The following NKAIN3 variants were observed in gnomAD, a reference collection of about 807,000 sequenced individuals.
The protein encoded by NKAIN3 is sodium/potassium-transporting ATPase subunit beta-1-interacting protein 3.
Under a neutral mutation model 30.2 loss-of-function variants are expected in NKAIN3, and 25 were observed. The ratio of observed to expected loss-of-function variants is 0.83; its 90% CI spans 0.60 to 1.16. NKAIN3 has a LOEUF of 1.16. Among genes scored for constraint, NKAIN3 ranks in the 50% most tolerant of loss-of-function variants. The probability of loss-of-function intolerance (pLI) is 0.00; values close to 1 mark genes in which losing one functional copy is unlikely to be tolerated. For synonymous variants in NKAIN3, 91 were observed against 89.6 expected (o/e 1.02, Z -0.09); for missense variants, 225 against 254.1 (o/e 0.89, Z 0.78).
chr8:62,736,535 G>C (rs541648103), intron 3 of NKAIN3, among the ~76,000 whole-genome samples: 1 of 152,204 alleles, frequency 6.6e-6, no homozygotes, highest in African/African-American at 2.4e-5. Context: ...CCATGTCACC[G>C]TGCCCACGCA....
At chr8:62,580,725 G>C (rs1282450254) in intron 2 of NKAIN3, among the ~76,000 whole-genome samples, 1 of 151,868 alleles carries the variant, frequency 6.6e-6, no homozygotes, top group Non-Finnish European at 1.5e-5. Context: ...CATTCCAATG[G>C]CCTTGGGAGC....
At chr8:62,340,996 T>C (rs1815726227) in intron 1 of NKAIN3, among the ~76,000 whole-genome samples, 1 of 152,100 alleles carries the variant, frequency 6.6e-6, no homozygotes, top group African/African-American at 2.4e-5. Flanking sequence ...CCCATTAAAG[T>C]ACTTACATTT....
At chr8:62,473,096 A>T (rs1053237517) in intron 1 of NKAIN3, 4 of 152,318 alleles carry the variant, frequency 2.6e-5, no homozygotes, top group Non-Finnish European at 5.9e-5. Context: ...CTGCTGTTTA[A>T]TTCTCCTTTT....
intron 1 of NKAIN3, among the ~76,000 whole-genome samples, chr8:62,259,904 T>G (rs565630829): frequency 1.4e-4 from 21 of 152,094 alleles, no homozygotes; most frequent in Non-Finnish European, 2.5e-4. Context: ...CGGCAGGAGT[T>G]GGAGTACTGA....
chr8:62,888,806 T>C (rs1350055), intron 4 of NKAIN3, among the ~76,000 whole-genome samples: 46,345 of 152,112 alleles, frequency 0.3, 7,816 homozygotes, highest in East Asian at 0.64. Context: ...GAACAATTTT[T>C]AGTTGTCTTG....
At chr8:62,807,427 CATT>C (rs1313093004) in intron 4 of NKAIN3, among the ~76,000 whole-genome samples, 4 of 152,042 alleles carry the variant, frequency 2.6e-5, no homozygotes, top group Non-Finnish European at 5.9e-5. Flanking sequence ...ATTTTTCACT[CATT>C]ATCAGTTTTC....
At chr8:62,806,805 A>G (rs977603681) in intron 4 of NKAIN3, among the ~76,000 whole-genome samples, 3 of 151,580 alleles carry the variant, frequency 2.0e-5, no homozygotes, top group Non-Finnish European at 2.9e-5. Flanking sequence ...AAAGTATAAT[A>G]ATAATAAAAA....
chr8:62,793,587 G>A (rs775934773), intron 4 of NKAIN3, among the ~76,000 whole-genome samples: 1 of 152,102 alleles, frequency 6.6e-6, no homozygotes. Flanking sequence ...TCCATTACCT[G>A]TGACTGTGGG....
At chr8:62,296,041 A>G (rs538948050) in intron 1 of NKAIN3, among the ~76,000 whole-genome samples, 1 of 152,338 alleles carries the variant, frequency 6.6e-6, no homozygotes, top group East Asian at 1.9e-4. Context: ...GTTATTTCAA[A>G]AATCACTGCT....
intron 1 of NKAIN3, among the ~76,000 whole-genome samples, chr8:62,494,628 C>T (rs1322021059): frequency 6.6e-6 from 1 of 152,024 alleles, no homozygotes; most frequent in Non-Finnish European, 1.5e-5. Context: ...TAGAACTTGG[C>T]TGTGAGTTTC....
At chr8:62,890,175 C>T (rs767034774) in intron 4 of NKAIN3, among the ~76,000 whole-genome samples, 3 of 152,128 alleles carry the variant, frequency 2.0e-5, no homozygotes, top group African/African-American at 7.2e-5. Context: ...TGATAAGCTC[C>T]CTTGGAAGGA....
chr8:62,606,172 C>T (rs1164928062), intron 3 of NKAIN3, among the ~76,000 whole-genome samples: 2 of 152,046 alleles, frequency 1.3e-5, no homozygotes, highest in Non-Finnish European at 2.9e-5. Context: ...AAAGAGAGAA[C>T]CTCCAAGGAT....
Position 62,725,564 on chromosome 8 carries a change from G to A in NKAIN3, c.274-21368G>A, listed in dbSNP as rs191282150. ...TGATTTTTGTATATGCAGACAGATA[G>A]GAGAGTTTCATTCTGCTTTCCCAAC... On this transcript the variant is annotated intron_variant, in intron 3 of 6. Transcript: ENST00000623646. Among the ~76,000 whole-genome samples, 560 of 152,174 alleles carry A rather than the reference G, an allele frequency of 3.7e-3. 11 individuals are homozygous for A. The highest frequency in any genetic ancestry group is 0.034 in the Admixed American group (521 of 15,292).
intron 6 of NKAIN3, among the ~76,000 whole-genome samples, chr8:62,959,376 C>CAGGCCATT (rs1823504929): frequency 6.6e-6 from 1 of 151,406 alleles, no homozygotes; most frequent in African/African-American, 2.4e-5. Context: ...AAGTTGATGT[C>CAGGCCATT]AGGCCATTTT....
chr8:62,593,498 G>A (rs1254580157), intron 3 of NKAIN3, among the ~76,000 whole-genome samples: 1 of 151,846 alleles, frequency 6.6e-6, no homozygotes, highest in South Asian at 2.1e-4. Context: ...CTCATAGTTG[G>A]TTCTTTGAAA....
At chr8:62,991,623 A>G (rs1824322734) in intron 5 of NKAIN3, among the ~76,000 whole-genome samples, 1 of 152,202 alleles carries the variant, frequency 6.6e-6, no homozygotes, top group Non-Finnish European at 1.5e-5. Context: ...GACTTCATTA[A>G]GTTTGTTTTC....
rs1807577748 is a variant in NKAIN3, at chr8:62,504,764, C to A, written c.55-74775C>A. On this transcript the variant is annotated intron_variant, in intron 1 of 6. Coordinates refer to ENST00000623646, the MANE Select transcript of NKAIN3 (RefSeq NM_001304533.3). ...TTGCCTATAGCACGATGCTATAATT[C>A]CTTTAGCTGTCAATCTCCCTTACAG... Among the ~76,000 whole-genome samples the A allele has an allele frequency of 1.3e-5, 2 of 152,258 alleles. 1 individual carries two copies. Among genetic ancestry groups the A allele is most frequent in the South Asian group, 4.1e-4 (2 of 4,822 alleles).
intron 1 of NKAIN3, among the ~76,000 whole-genome samples, chr8:62,575,158 T>C (rs1369849254): frequency 6.6e-6 from 1 of 152,038 alleles, no homozygotes; most frequent in Non-Finnish European, 1.5e-5. Flanking sequence ...AGGCATCAAA[T>C]TGGGAAGGAA....
chr8:62,924,423 T>C (rs1345667108), intron 5 of NKAIN3, among the ~76,000 whole-genome samples: 2 of 151,404 alleles, frequency 1.3e-5, no homozygotes, highest in African/African-American at 2.4e-5. Context: ...TTTCCTAACA[T>C]AAAGGGAACC....
Sources: allele counts gnomAD v4.1 joint callset (sites outside exome capture counted in the v4.1 genomes callset), GRCh38; gene constraint gnomAD v4.1.1; transcripts MANE v1.5; gene names NCBI Gene and HGNC (gene_info 2026-07-23, HGNC 2026-07-21).